SLIT2: variants seen among roughly 807,000 people sequenced by gnomAD.
SLIT2 encodes the protein slit homolog 2 protein.
A neutral mutation model predicts 185.7 loss-of-function variants in SLIT2; 41 were observed. The ratio of observed to expected loss-of-function variants is 0.22; its 90% CI spans 0.17 to 0.29. The LOEUF (loss-of-function observed/expected upper bound fraction) is 0.29, where lower values mean the gene tolerates loss of function less well. Ranked by LOEUF, SLIT2 falls within the 10% of genes least tolerant of loss-of-function variation. The probability of loss-of-function intolerance (pLI) is 1.00; values close to 1 mark genes in which losing one functional copy is unlikely to be tolerated. For missense variants in SLIT2, 1,571 were observed against 1,909.0 expected (o/e 0.82, Z 3.30); for synonymous variants, 693 against 680.2 (o/e 1.02, Z -0.29).
At chr4:20,274,125 A>G (rs914063195) in intron 4 of SLIT2, among the ~76,000 whole-genome samples, 3 of 152,192 alleles carry the variant, frequency 2.0e-5, no homozygotes, top group African/African-American at 7.2e-5. Flanking sequence ...AGGAAACACT[A>G]TCTGAATTAT....
At chr4:20,613,042 T>C (rs1341344617) in intron 34 of SLIT2, among the ~76,000 whole-genome samples, 1 of 152,106 alleles carries the variant, frequency 6.6e-6, no homozygotes, top group Non-Finnish European at 1.5e-5. Context: ...GGAACACTTA[T>C]ATACTGTTGG....
intron 4 of SLIT2, among the ~76,000 whole-genome samples, chr4:20,421,097 A>G (rs1422462343): frequency 2.0e-5 from 3 of 152,228 alleles, no homozygotes; most frequent in Admixed American, 2.0e-4. Flanking sequence ...GAATTAAAAG[A>G]AAAGGTAATT....
At chr4:20,267,021 G>A (rs1057099857) in intron 3 of SLIT2, among the ~76,000 whole-genome samples, 2 of 151,938 alleles carry the variant, frequency 1.3e-5, no homozygotes, top group Non-Finnish European at 2.9e-5. Context: ...CATTTCTGAT[G>A]TTTTAGAAAT....
intron 33 of SLIT2, among the ~76,000 whole-genome samples, chr4:20,601,989 C>A (rs1342552595): frequency 1.3e-5 from 2 of 152,138 alleles, no homozygotes; most frequent in Non-Finnish European, 2.9e-5. Context: ...TAATTCTCCA[C>A]ATTGAAGAAA....
At chr4:20,540,269 C>G (rs1006529238) in intron 19 of SLIT2, among the ~76,000 whole-genome samples, 6 of 148,388 alleles carry the variant, frequency 4.0e-5, no homozygotes, top group Non-Finnish European at 8.9e-5. Flanking sequence ...GCCTGTATGA[C>G]AGAGCGAGAC....
chr4:20,391,814 T>C (rs989492425), intron 4 of SLIT2, among the ~76,000 whole-genome samples: 1 of 152,058 alleles, frequency 6.6e-6, no homozygotes, highest in Non-Finnish European at 1.5e-5. Flanking sequence ...TATGGTTCTT[T>C]TCTTTGTTTT....
intron 4 of SLIT2, among the ~76,000 whole-genome samples, chr4:20,280,172 A>G (rs7668570): frequency 0.037 from 5,683 of 151,814 alleles, 269 homozygotes; most frequent in East Asian, 0.1. Context: ...TCTCTACTAA[A>G]AATACAAAAA....
At chr4:20,522,548 A>T (rs1159376029) in intron 12 of SLIT2, among the ~76,000 whole-genome samples, 1 of 152,134 alleles carries the variant, frequency 6.6e-6, no homozygotes, top group Non-Finnish European at 1.5e-5. Flanking sequence ...AGTTCAGAAG[A>T]TGGTTGAGGA....
At chr4:20,423,965 A>G (rs17609702) in intron 4 of SLIT2, among the ~76,000 whole-genome samples, 32,317 of 151,944 alleles carry the variant, frequency 0.21, 3,725 homozygotes, top group Non-Finnish European at 0.27. Context: ...ATCTATTGGC[A>G]ATCTCTCTCT....
rs530922979 is a variant in SLIT2 at position 20,541,294 on chromosome 4, A to C, written c.1977-159A>C. 1.3e-4 allele frequency among the ~76,000 whole-genome samples: 20 copies of C among 152,310 alleles called. No homozygotes were observed. In the East Asian group the frequency reaches 3.5e-3, roughly 26 times the overall value. ...TTTTATCAAAAAAAAAATGCATCTC[A>C]TATACTGCATGTGATTCTGAGTAAG... is the stretch of plus-strand genomic sequence containing the variant. On this transcript the variant is annotated intron_variant, in intron 19 of 36. Coordinates refer to ENST00000504154, the MANE Select transcript of SLIT2 (RefSeq NM_004787.4).
intron 16 of SLIT2, 114 bp downstream of exon 16, chr4:20,529,213 A>T (rs1488914011): frequency 2.2e-5 from 16 of 728,652 alleles, no homozygotes; most frequent in Non-Finnish European, 2.8e-5. Context: ...ATTTTAATTA[A>T]TATGCATTAC....
intron 4 of SLIT2, among the ~76,000 whole-genome samples, chr4:20,274,424 A>G (rs1478329571): frequency 6.6e-6 from 1 of 152,160 alleles, no homozygotes; most frequent in Non-Finnish European, 1.5e-5. Context: ...AGCCATTACC[A>G]CTTGTCATGA....
At chr4:20,344,789 C>T (rs1368477690) in intron 4 of SLIT2, among the ~76,000 whole-genome samples, 1 of 152,170 alleles carries the variant, frequency 6.6e-6, no homozygotes, top group African/African-American at 2.4e-5. Context: ...TTAAGAGATA[C>T]TACTGATAAC....
intron 4 of SLIT2, among the ~76,000 whole-genome samples, chr4:20,321,357 G>T (rs1400059911): frequency 6.6e-6 from 1 of 152,126 alleles, no homozygotes; most frequent in Non-Finnish European, 1.5e-5. Context: ...TCTGTGGCTG[G>T]CCCTCACTAA....
chr4:20,540,158 G>C (rs1485446881), intron 19 of SLIT2, among the ~76,000 whole-genome samples: 1 of 152,010 alleles, frequency 6.6e-6, no homozygotes, highest in Non-Finnish European at 1.5e-5. Flanking sequence ...CATGGTGACA[G>C]GTGCCTGTAG....
At chr4:20,260,966 C>G (rs1385049981) in intron 3 of SLIT2, among the ~76,000 whole-genome samples, 3 of 151,618 alleles carry the variant, frequency 2.0e-5, no homozygotes, top group Non-Finnish European at 4.4e-5. Flanking sequence ...CCTCCATTCT[C>G]TTACAACATG....
chr4:20,612,646 G>A (rs545649521), intron 34 of SLIT2, among the ~76,000 whole-genome samples: 5 of 152,248 alleles, frequency 3.3e-5, no homozygotes, highest in Admixed American at 2.6e-4. Flanking sequence ...AGCTGGGCGC[G>A]GTGGCTCACG....
At chr4:20,291,475 TATATATATATATATATA>T (rs1468419067) in intron 4 of SLIT2, among the ~76,000 whole-genome samples, 6 of 9,324 alleles carry the variant, frequency 6.4e-4, no homozygotes, top group African/African-American at 6.8e-4. Flanking sequence ...TATATATATA[TATATATATATATATATA>T]TTTTTTTTTT....
intron 4 of SLIT2, among the ~76,000 whole-genome samples, chr4:20,298,093 T>C (rs1267287067): frequency 6.6e-6 from 1 of 151,886 alleles, no homozygotes; most frequent in Non-Finnish European, 1.5e-5. Context: ...TTTTTTTTTT[T>C]TTTTTCCTTT....
Sources: allele counts gnomAD v4.1 joint callset (sites outside exome capture counted in the v4.1 genomes callset), GRCh38; gene constraint gnomAD v4.1.1; transcripts MANE v1.5; gene names NCBI Gene and HGNC (gene_info 2026-07-23, HGNC 2026-07-21).